UPRT: variants seen among roughly 807,000 people sequenced by gnomAD.
The protein encoded by UPRT is uracil phosphoribosyltransferase homolog.
In UPRT, 5 loss-of-function variants were observed where a neutral mutation model predicts 22.6. That is an observed-to-expected ratio of 0.22 (90% CI 0.12 to 0.47). UPRT has a LOEUF of 0.47. Among genes scored for constraint, UPRT ranks in the 20% least tolerant of loss-of-function variants. The probability of loss-of-function intolerance (pLI) is 0.99; values close to 1 mark genes in which losing one functional copy is unlikely to be tolerated. For missense variants in UPRT, 181 were observed against 239.9 expected (o/e 0.75, Z 1.62); for synonymous variants, 77 against 87.7 (o/e 0.88, Z 0.68).
chrX:75,161,337 A>G (rs1413338124), intron 2 of UPRT, among the ~76,000 whole-genome samples: 9 of 113,069 alleles, frequency 8.0e-5, no homozygotes, highest in African/African-American at 2.9e-4. Flanking sequence ...TCCAGAGCCC[A>G]TGCTCCTTGT....
chrX:75,194,102 C>T (rs1198966894), intron 4 of UPRT, among the ~76,000 whole-genome samples: 1 of 111,781 alleles, frequency 8.9e-6, no homozygotes, highest in East Asian at 2.8e-4. Context: ...TTCCTTTAAT[C>T]TTAGAAGTTG....
intron 1 of UPRT, among the ~76,000 whole-genome samples, chrX:75,285,223 C>T (rs2082675157): frequency 9.0e-6 from 1 of 111,519 alleles, no homozygotes; most frequent in African/African-American, 3.3e-5. Context: ...AGACTACCTG[C>T]CTCCAAGTTG....
chrX:75,238,623 A>T (rs1335156533), intron 4 of UPRT, among the ~76,000 whole-genome samples: 2 of 111,797 alleles, frequency 1.8e-5, no homozygotes, highest in Non-Finnish European at 3.8e-5. Context: ...GACTTAACAG[A>T]TATATACAGA....
At chrX:75,249,107 G>A (rs1458116429) in intron 4 of UPRT, among the ~76,000 whole-genome samples, 1 of 111,433 alleles carries the variant, frequency 9.0e-6, no homozygotes, top group Non-Finnish European at 1.9e-5. Flanking sequence ...GCAAAAACAT[G>A]CCAAATGGTA....
At position 75,276,901 on chromosome X, in the gene UPRT, C is replaced by A. The variant is rs72630735; in HGVS notation, c.386+2261C>A. On this transcript the variant is annotated intron_variant, in intron 1 of 6. Coordinates refer to ENST00000373383, the MANE Select transcript of UPRT (RefSeq NM_145052.4). Reference sequence around the variant, plus strand: ...TCACTCCCCATTTTCACCCAACCCACCCAAAGCCCTAGACAATCATTAATC... The same window carrying A: ...TCACTCCCCATTTTCACCCAACCCAACCAAAGCCCTAGACAATCATTAATC... 3.7e-3 allele frequency among the ~76,000 whole-genome samples: 417 copies of A among 111,297 alleles called. 7 individuals are homozygous for A. Among genetic ancestry groups the A allele is most frequent in the East Asian group, 0.03 (105 of 3,544 alleles).
intron 4 of UPRT, among the ~76,000 whole-genome samples, chrX:75,249,624 C>A (rs1209584944): frequency 1.8e-5 from 2 of 111,052 alleles, no homozygotes; most frequent in African/African-American, 3.3e-5. Context: ...GACTCTAACA[C>A]CCCACTGTCA....
intron 4 of UPRT, among the ~76,000 whole-genome samples, chrX:75,182,875 G>C (rs2082275545): frequency 9.1e-6 from 1 of 110,146 alleles, no homozygotes. Flanking sequence ...GTTATTTCTT[G>C]TTTTCTGCTA....
At chrX:75,266,505 A>C (rs1214827883) in intron 4 of UPRT, among the ~76,000 whole-genome samples, 2 of 111,761 alleles carry the variant, frequency 1.8e-5, no homozygotes, top group African/African-American at 6.5e-5. Flanking sequence ...AAACCTAGGC[A>C]ATACCATTCA....
chrX:75,234,215 C>G (rs1301031023), intron 4 of UPRT, among the ~76,000 whole-genome samples: 1 of 111,510 alleles, frequency 9.0e-6, no homozygotes, highest in African/African-American at 3.3e-5. Flanking sequence ...GTAAAGGGAT[C>G]GATTCAACAA....
Position 75,181,944 on chromosome X carries a change from C to G in UPRT, c.-447+14065C>G, listed in dbSNP as rs751003814. 4.9e-4 allele frequency among the ~76,000 whole-genome samples: 55 copies of G among 111,772 alleles called. 2 individuals are homozygous for G. The South Asian group carries it at 0.02, about 41-fold the overall frequency. Reference sequence around the variant, plus strand: ...GTTCTGGTTTTCAAAGAGAATTCTTCCAGCATTTGCTCATTCAGTATGATG... The same window carrying G: ...GTTCTGGTTTTCAAAGAGAATTCTTGCAGCATTTGCTCATTCAGTATGATG... On this transcript the variant is annotated intron_variant, in intron 4 of 13. Coordinates refer to the UPRT transcript ENST00000652605.
intron 4 of UPRT, among the ~76,000 whole-genome samples, chrX:75,266,578 A>G (rs1011015504): frequency 4.5e-5 from 5 of 111,898 alleles, no homozygotes; most frequent in Non-Finnish European, 7.5e-5. Flanking sequence ...ATAAAAGACA[A>G]AATTGACAGT....
chrX:75,188,778 C>T (rs2082304402), intron 4 of UPRT, among the ~76,000 whole-genome samples: 1 of 111,947 alleles, frequency 8.9e-6, no homozygotes, highest in South Asian at 3.7e-4. Flanking sequence ...TGGGAGTGAC[C>T]CGATCTTCCA....
chrX:75,259,673 T>G, intron 4 of UPRT, among the ~76,000 whole-genome samples: 1 of 111,037 alleles, frequency 9.0e-6, no homozygotes. Flanking sequence ...GGAAACAAGT[T>G]GGAAAACACT....
chrX:75,242,068 A>AAAT (rs1207803478), intron 4 of UPRT, among the ~76,000 whole-genome samples: 2 of 110,892 alleles, frequency 1.8e-5, no homozygotes, highest in Admixed American at 9.7e-5. Flanking sequence ...AAAAGGAATG[A>AAAT]AATAATAATA....
chrX:75,241,625 C>T (rs1291780995), intron 4 of UPRT, among the ~76,000 whole-genome samples: 1 of 111,755 alleles, frequency 8.9e-6, no homozygotes, highest in African/African-American at 3.2e-5. Context: ...CTTACACAGG[C>T]ATGTTTATAG....
chrX:75,248,403 G>A (rs1403929297), intron 4 of UPRT, among the ~76,000 whole-genome samples: 2 of 111,821 alleles, frequency 1.8e-5, no homozygotes, highest in East Asian at 5.6e-4. Flanking sequence ...TGAGAAATAC[G>A]TGACAAATGC....
intron 4 of UPRT, among the ~76,000 whole-genome samples, chrX:75,261,304 A>G (rs1011440079): frequency 3.6e-5 from 4 of 110,470 alleles, no homozygotes; most frequent in Admixed American, 9.7e-5. Flanking sequence ...AAAAAAATCA[A>G]TGAATCCACA....
At chrX:75,188,905 C>A (rs1247013579) in intron 4 of UPRT, among the ~76,000 whole-genome samples, 1 of 111,562 alleles carries the variant, frequency 9.0e-6, no homozygotes, top group South Asian at 3.8e-4. Context: ...CACTGACCTG[C>A]GCCTACTGTC....
intron 2 of UPRT, among the ~76,000 whole-genome samples, chrX:75,294,265 T>C (rs769829488): frequency 9.0e-6 from 1 of 111,406 alleles, no homozygotes; most frequent in African/African-American, 3.3e-5. Context: ...TGTATATTTA[T>C]ATTCAGTGTA....
Sources: gnomAD v4.1 joint callset for allele counts (sites outside exome capture counted in the v4.1 genomes callset) on GRCh38, gnomAD v4.1.1 for gene constraint, MANE v1.5 for transcripts, NCBI Gene and HGNC (gene_info 2026-07-23, HGNC 2026-07-21) for gene names.